Variants in AUTS2 observed in about 807,000 individuals in gnomAD.
AUTS2 encodes activator of transcription and developmental regulator AUTS2.
In AUTS2, 17 loss-of-function variants were observed where a neutral mutation model predicts 112.4. The observed-to-expected ratio is 0.15, with a 90% confidence interval of 0.10 to 0.23. AUTS2 has a LOEUF of 0.23. Ranked by LOEUF, AUTS2 falls within the 10% of genes least tolerant of loss-of-function variation. AUTS2 has a pLI of 1.00. For synonymous variants in AUTS2, 751 were observed against 702.7 expected (o/e 1.07, Z -1.09); for missense variants, 1,510 against 1,701.6 (o/e 0.89, Z 1.98).
At chr7:70,776,837 G>A (rs879369018) in intron 13 of AUTS2, 43 of 496,276 alleles carry the variant, frequency 8.7e-5, no homozygotes, top group Admixed American at 7.1e-4. Context: ...GGCTTTTGCC[G>A]TCTTGTCCTT....
chr7:69,895,549 C>CA (rs901344534), intron 1 of AUTS2, among the ~76,000 whole-genome samples: 5 of 142,316 alleles, frequency 3.5e-5, no homozygotes, highest in South Asian at 2.4e-4. Flanking sequence ...TTCTTCCCCC[C>CA]CCCCGAGTGG....
At chr7:69,901,467 C>CA (rs1364919761) in intron 2 of AUTS2, among the ~76,000 whole-genome samples, 1 of 152,180 alleles carries the variant, frequency 6.6e-6, no homozygotes, top group African/African-American at 2.4e-5. Flanking sequence ...CCTCTGGTGA[C>CA]AGAGTTTTAT....
At chr7:70,228,216 T>C (rs1331455641) in intron 4 of AUTS2, among the ~76,000 whole-genome samples, 1 of 151,980 alleles carries the variant, frequency 6.6e-6, no homozygotes, top group Non-Finnish European at 1.5e-5. Flanking sequence ...CGGACAGTAT[T>C]CTCTCTCCCC....
chr7:69,892,291 C>T (rs751854496), intron 1 of AUTS2, among the ~76,000 whole-genome samples: 4 of 151,600 alleles, frequency 2.6e-5, no homozygotes, highest in African/African-American at 4.9e-5. Flanking sequence ...TCCTGCTCAG[C>T]CTCCTGAGTA....
intron 1 of AUTS2, among the ~76,000 whole-genome samples, chr7:69,746,283 A>G (rs528284450): frequency 4.6e-5 from 7 of 152,296 alleles, no homozygotes; most frequent in Non-Finnish European, 8.8e-5. Flanking sequence ...GATGCTTGAT[A>G]GGCTCTCCTC....
intron 5 of AUTS2, among the ~76,000 whole-genome samples, chr7:70,604,864 A>G (rs1407665595): frequency 5.3e-5 from 8 of 152,192 alleles, no homozygotes. Context: ...AAGAGACTTA[A>G]CCCAGGAGTT....
intron 13 of AUTS2, 77 bp from the exon 14 acceptor site, chr7:70,777,026 T>C (rs985342801): frequency 3.4e-6 from 5 of 1,449,688 alleles, no homozygotes; most frequent in Non-Finnish European, 4.8e-6. Context: ...CAAAATCTGC[T>C]GAAAGCTTTG....
At chr7:70,175,575 T>TA (rs1290447125) in intron 4 of AUTS2, among the ~76,000 whole-genome samples, 4 of 152,128 alleles carry the variant, frequency 2.6e-5, no homozygotes, top group Non-Finnish European at 5.9e-5. Flanking sequence ...ATTGGTGTCT[T>TA]ACTGCAAGAA....
intron 5 of AUTS2, among the ~76,000 whole-genome samples, chr7:70,593,337 C>T (rs549244442): frequency 6.6e-6 from 1 of 152,036 alleles, no homozygotes; most frequent in Non-Finnish European, 1.5e-5. Flanking sequence ...GTTTTTATAT[C>T]GTGTTTTAAT....
At chr7:70,490,422 C>A (rs1798186099) in intron 5 of AUTS2, among the ~76,000 whole-genome samples, 1 of 151,770 alleles carries the variant, frequency 6.6e-6, no homozygotes, top group Non-Finnish European at 1.5e-5. Context: ...GTTGCTAGTT[C>A]TGTGTGGGTT....
At chr7:69,655,767 C>A (rs186090463) in intron 1 of AUTS2, among the ~76,000 whole-genome samples, 1 of 152,224 alleles carries the variant, frequency 6.6e-6, no homozygotes, top group South Asian at 2.1e-4. Context: ...GGGGGAGTGT[C>A]TCAGGGGAGG....
At chr7:69,910,839 G>C (rs1176324730) in intron 2 of AUTS2, among the ~76,000 whole-genome samples, 1 of 152,106 alleles carries the variant, frequency 6.6e-6, no homozygotes, top group Non-Finnish European at 1.5e-5. Context: ...TGTTGACCAG[G>C]CTAGTCTTGA....
At chr7:69,733,374 G>C (rs1220742419) in intron 1 of AUTS2, among the ~76,000 whole-genome samples, 1 of 152,172 alleles carries the variant, frequency 6.6e-6, no homozygotes, top group Admixed American at 6.5e-5. Context: ...TTAGAACTTA[G>C]TGTCTCAGAG....
At chr7:70,540,977 T>C (rs1347907345) in intron 5 of AUTS2, among the ~76,000 whole-genome samples, 1 of 152,204 alleles carries the variant, frequency 6.6e-6, no homozygotes, top group Non-Finnish European at 1.5e-5. Flanking sequence ...TGGAAACCTC[T>C]AATTCATGCA....
intron 4 of AUTS2, among the ~76,000 whole-genome samples, chr7:70,402,777 A>G (rs1794378266): frequency 6.6e-6 from 1 of 152,160 alleles, no homozygotes; most frequent in Non-Finnish European, 1.5e-5. Flanking sequence ...TCCTGAGAGT[A>G]GTTTCAAGAA....
At chr7:70,553,527 C>T (rs544882447) in intron 5 of AUTS2, among the ~76,000 whole-genome samples, 2 of 152,192 alleles carry the variant, frequency 1.3e-5, no homozygotes, top group African/African-American at 4.8e-5. Context: ...TCTCACAAGG[C>T]AGGCAGCCAA....
At chr7:70,130,327 T>G (rs2129574511) in intron 3 of AUTS2, among the ~76,000 whole-genome samples, 1 of 152,296 alleles carries the variant, frequency 6.6e-6, no homozygotes, top group African/African-American at 2.4e-5. Flanking sequence ...TTTAGATGGA[T>G]AATCAATTTT....
At chr7:69,973,299 A>G (rs62458787) in intron 2 of AUTS2, among the ~76,000 whole-genome samples, 42 of 152,324 alleles carry the variant, frequency 2.8e-4, no homozygotes, top group Non-Finnish European at 4.7e-4. Context: ...ACCTTGATAA[A>G]TGGAGTTATT....
At chr7:70,685,019 G>T (rs1440253218) in intron 5 of AUTS2, among the ~76,000 whole-genome samples, 1 of 152,054 alleles carries the variant, frequency 6.6e-6, no homozygotes, top group African/African-American at 2.4e-5. Flanking sequence ...TCAGTCTAGG[G>T]TTCACTTCTT....
Sources: gnomAD v4.1 joint callset for allele counts (sites outside exome capture counted in the v4.1 genomes callset) on GRCh38, gnomAD v4.1.1 for gene constraint, MANE v1.5 for transcripts, NCBI Gene and HGNC (gene_info 2026-07-23, HGNC 2026-07-21) for gene names.